PMFBP1: variants seen among roughly 807,000 people sequenced by gnomAD.
The protein encoded by PMFBP1 is polyamine modulated factor 1 binding protein 1, also known as polyamine-modulated factor 1-binding protein 1.
Under a neutral mutation model 137.8 loss-of-function variants are expected in PMFBP1, and 131 were observed. That is an observed-to-expected ratio of 0.95 (90% CI 0.82 to 1.10). The LOEUF is 1.10. PMFBP1 is among the 50% of genes least tolerant of loss of function. The pLI is 0.00. For synonymous variants in PMFBP1, 490 were observed against 450.4 expected, an observed-to-expected ratio of 1.09 and a Z score of -1.11; for missense variants, 1,199 against 1,175.4, an observed-to-expected ratio of 1.02 and a Z score of -0.29.
Position 72,125,221 on chromosome 16 carries a change from C to T in PMFBP1, c.2421+17G>A. ...CCCCTACCAGGAAGGCAGCCCAAGC[C>T]CCTGGCAGCTCCTCACCTCCAGCTC... On this transcript the variant is annotated intron_variant, in intron 16 of 20. Coordinates refer to ENST00000237353, the MANE Select transcript of PMFBP1 (RefSeq NM_031293.3). The T allele has an allele frequency of 6.2e-7, 1 of 1,609,006 alleles. No individual in the cohort carries two copies. Among genetic ancestry groups the T allele is most frequent in the South Asian group, 1.1e-5 (1 of 90,108 alleles).
chr16:72,249,920 C>CAAAAAAAAAAAAAAAA, the PMFBP1 span, among the ~76,000 whole-genome samples: 1 of 30,106 alleles, frequency 3.3e-5, no homozygotes, highest in Non-Finnish European at 6.0e-5. Context: ...GACTCCATCG[C>CAAAAAAAAAAAAAAAA]AAAAAAAAAA....
At chr16:72,162,456 G>A (rs2043077241) in intron 3 of PMFBP1, among the ~76,000 whole-genome samples, 1 of 152,204 alleles carries the variant, frequency 6.6e-6, no homozygotes. Context: ...CATAATTGCG[G>A]TTGTAAACTA....
intron 14 of PMFBP1, among the ~76,000 whole-genome samples, chr16:72,126,606 C>A (rs779559156): frequency 6.6e-6 from 1 of 152,220 alleles, no homozygotes; most frequent in East Asian, 1.9e-4. Flanking sequence ...TGCTGTAACT[C>A]AGGGCATGGC....
intron 5 of PMFBP1, among the ~76,000 whole-genome samples, chr16:72,143,867 A>T (rs1244894776): frequency 6.7e-6 from 1 of 148,868 alleles, no homozygotes; most frequent in Non-Finnish European, 1.5e-5. Context: ...ATGGAGAAAC[A>T]CTCCTCTCTA....
At chr16:72,176,956 C>T (rs1385256635), upstream of PMFBP1, 2 of 152,218 alleles carry the variant, frequency 1.3e-5, no homozygotes, top group Admixed American at 6.5e-5. Flanking sequence ...CCTTGGTTTT[C>T]TCTTGAGATG....
chr16:72,202,692 C>T, the PMFBP1 span, among the ~76,000 whole-genome samples: 1 of 152,214 alleles, frequency 6.6e-6, no homozygotes, highest in African/African-American at 2.4e-5. Context: ...GCCAATCTCT[C>T]ACTCACGCAT....
chr16:72,207,008 G>T, the PMFBP1 span, among the ~76,000 whole-genome samples: 3 of 152,290 alleles, frequency 2.0e-5, no homozygotes, highest in Middle Eastern at 3.4e-3. Flanking sequence ...ATGGCCTGGA[G>T]CTCCATTTTG....
At chr16:72,167,866 A>C (rs1259846107) in intron 2 of PMFBP1, among the ~76,000 whole-genome samples, 1 of 152,216 alleles carries the variant, frequency 6.6e-6, no homozygotes, top group East Asian at 1.9e-4. Context: ...TCACTAACAA[A>C]ATGCCAACGA....
chr16:72,223,249 G>A, the PMFBP1 span, among the ~76,000 whole-genome samples: 1 of 152,218 alleles, frequency 6.6e-6, no homozygotes, highest in Non-Finnish European at 1.5e-5. Flanking sequence ...CCTTGCCTAG[G>A]AGACAGTTGT....
At chr16:72,169,690 C>T (rs1036754027) in intron 2 of PMFBP1, among the ~76,000 whole-genome samples, 5 of 152,086 alleles carry the variant, frequency 3.3e-5, no homozygotes, top group African/African-American at 1.2e-4. Context: ...CACACACACA[C>T]ACACACAGAT....
At chr16:72,198,942 C>T in the PMFBP1 span, among the ~76,000 whole-genome samples, 1 of 152,070 alleles carries the variant, frequency 6.6e-6, no homozygotes, top group Non-Finnish European at 1.5e-5. Context: ...TATGGACAGT[C>T]TCAAGTTAGC....
chr16:72,163,275 G>A (rs2043090775), intron 3 of PMFBP1, among the ~76,000 whole-genome samples: 1 of 152,224 alleles, frequency 6.6e-6, no homozygotes, highest in African/African-American at 2.4e-5. Flanking sequence ...TTAGGGAGCT[G>A]TGGGAAAATA....
intron 20 of PMFBP1, 136 bp from the exon 21 acceptor site, chr16:72,119,490 G>T (rs917072321): frequency 1.3e-6 from 2 of 1,557,110 alleles, no homozygotes; most frequent in African/African-American, 2.7e-5. Flanking sequence ...GGAGTTTACA[G>T]GTGGCAGGAA....
chr16:72,205,889 G>A, the PMFBP1 span, among the ~76,000 whole-genome samples: 3 of 152,094 alleles, frequency 2.0e-5, no homozygotes, highest in African/African-American at 7.2e-5. Flanking sequence ...GGCTCTGAGG[G>A]CCTCCATCTC....
the PMFBP1 span, among the ~76,000 whole-genome samples, chr16:72,192,630 G>A: frequency 2.0e-5 from 3 of 152,252 alleles, no homozygotes; most frequent in African/African-American, 7.2e-5. Context: ...GCTTGCACCT[G>A]TAATCTCAGC....
At position 72,164,959 on chromosome 16, in the gene PMFBP1, A is replaced by C. The variant is rs374316889; in HGVS notation, c.13-43T>G. 21 of 1,531,288 alleles carry C rather than the reference A, an allele frequency of 1.4e-5. No homozygotes were observed. The African/African-American group carries it at 2.7e-4, about 20-fold the overall frequency. 94.9% of individuals were successfully genotyped at this position (1,531,288 alleles called of 1,614,324 possible). ...CAAAAGCATCAATTATAAACTATCA[A>C]GAAAGTGCTGCTTTCATTCACTTAA... On this transcript the variant is annotated intron_variant, in intron 2 of 20. Transcript: ENST00000237353.
At chr16:72,246,182 G>T in the PMFBP1 span, among the ~76,000 whole-genome samples, 1 of 152,302 alleles carries the variant, frequency 6.6e-6, no homozygotes. Flanking sequence ...GTAACAGACA[G>T]TTGCTGAAAG....
At chr16:72,165,715 G>A (rs1262039808) in intron 2 of PMFBP1, among the ~76,000 whole-genome samples, 3 of 151,986 alleles carry the variant, frequency 2.0e-5, no homozygotes, top group Non-Finnish European at 4.4e-5. Context: ...ACCGTGCCTG[G>A]CCAACCCAGT....
the PMFBP1 span, among the ~76,000 whole-genome samples, chr16:72,240,592 T>A: frequency 6.6e-6 from 1 of 152,232 alleles, no homozygotes; most frequent in East Asian, 1.9e-4. Flanking sequence ...TAGGTTTTTA[T>A]TTTTTCATTG....
Sources: allele counts gnomAD v4.1 joint callset (sites outside exome capture counted in the v4.1 genomes callset), GRCh38; gene constraint gnomAD v4.1.1; transcripts MANE v1.5; gene names NCBI Gene and HGNC (gene_info 2026-07-23, HGNC 2026-07-21).